FER1L6: variants seen among roughly 807,000 people sequenced by gnomAD.
FER1L6 encodes the protein fer-1-like protein 6.
A neutral mutation model predicts 219.2 loss-of-function variants in FER1L6; 177 were observed. The observed-to-expected ratio is 0.81, with a 90% CI of 0.71 to 0.91. FER1L6 has a LOEUF of 0.91. Among genes scored for constraint, FER1L6 ranks in the 40% least tolerant of loss-of-function variants. The probability of loss-of-function intolerance (pLI) is 0.00; values close to 1 mark genes in which losing one functional copy is unlikely to be tolerated. For synonymous variants in FER1L6, 768 were observed against 824.3 expected (o/e 0.93, Z 1.17); for missense variants, 2,153 against 2,259.9 (o/e 0.95, Z 0.96).
intron 1 of FER1L6, among the ~76,000 whole-genome samples, chr8:123,859,148 CA>C (rs1816700937): frequency 6.6e-6 from 1 of 152,102 alleles, no homozygotes; most frequent in South Asian, 2.1e-4. Context: ...CACAGGTGTG[CA>C]CCTCCACGCC....
intron 15 of FER1L6, among the ~76,000 whole-genome samples, chr8:124,014,944 C>T (rs1299302818): frequency 6.6e-6 from 1 of 152,192 alleles, no homozygotes; most frequent in Non-Finnish European, 1.5e-5. Context: ...GATGGATTCA[C>T]TTCCAAGATC....
chr8:123,918,806 G>A (rs1813269158), intron 1 of FER1L6, among the ~76,000 whole-genome samples: 1 of 152,210 alleles, frequency 6.6e-6, no homozygotes, highest in Non-Finnish European at 1.5e-5. Flanking sequence ...TCAGATAGGG[G>A]ATTTCTGGGA....
At chr8:123,950,595 T>C (rs1814714170) in intron 1 of FER1L6, among the ~76,000 whole-genome samples, 1 of 152,152 alleles carries the variant, frequency 6.6e-6, no homozygotes, top group African/African-American at 2.4e-5. Flanking sequence ...TCCTTGGAGG[T>C]GTATTTCCTA....
At chr8:123,897,871 G>T (rs1282227300) in intron 1 of FER1L6, among the ~76,000 whole-genome samples, 1 of 152,062 alleles carries the variant, frequency 6.6e-6, no homozygotes, top group Non-Finnish European at 1.5e-5. Flanking sequence ...AATATGTTAG[G>T]CTTTATGGGA....
intron 37 of FER1L6, among the ~76,000 whole-genome samples, chr8:124,100,418 G>A (rs991872929): frequency 6.6e-6 from 1 of 152,174 alleles, no homozygotes; most frequent in African/African-American, 2.4e-5. Context: ...TAAACTAGGT[G>A]CTATAATTGC....
rs530911966 is a variant in FER1L6, at chr8:124,005,957, C to T, written c.1700+2610C>T. On this transcript the variant is annotated intron_variant, in intron 13 of 40. Coordinates refer to ENST00000522917, the MANE Select transcript of FER1L6 (RefSeq NM_001039112.2). ...CTGAATTTTCTAAACCCTGTCCTTC[C>T]ATGGGCCTTCCAAGAATCACCTTCT... Among the ~76,000 whole-genome samples, 60 of 152,334 alleles carry T rather than the reference C, an allele frequency of 3.9e-4. 1 individual carries two copies. The highest frequency in any genetic ancestry group is 1.4e-3 in the African/African-American group (60 of 41,560).
At chr8:124,030,040 G>A (rs1219649632) in intron 18 of FER1L6, among the ~76,000 whole-genome samples, 8 of 152,124 alleles carry the variant, frequency 5.3e-5, no homozygotes, top group Admixed American at 1.3e-4. Context: ...CCCATTGCTC[G>A]TTTGTGTCAG....
Position 123,880,807 on chromosome 8 carries a change from C to T in FER1L6, c.-8+28622C>T, listed in dbSNP as rs115210390. ...AGTGAGATGATGGCTGTGCTCCTATCATTTAAATAGAGAACCTGGATTTCC... is the reference window on the plus strand; with the variant it reads ...AGTGAGATGATGGCTGTGCTCCTATTATTTAAATAGAGAACCTGGATTTCC... On this transcript the variant is annotated intron_variant, in intron 1 of 40. Coordinates refer to ENST00000522917, the MANE Select transcript of FER1L6 (RefSeq NM_001039112.2). Among the ~76,000 whole-genome samples the T allele has an allele frequency of 7.7e-3, 1,171 of 152,308 alleles. 8 individuals carry two copies. The highest frequency in any genetic ancestry group is 0.027 in the African/African-American group (1,127 of 41,578).
rs145750837 is a variant in FER1L6, at chr8:123,942,449, G to A, written c.-7-13543G>A. Among the ~76,000 whole-genome samples the A allele has an allele frequency of 4.3e-3, 653 of 152,316 alleles. 7 individuals are homozygous for A. Among genetic ancestry groups the A allele is most frequent in the African/African-American group, 0.015 (612 of 41,572 alleles). On this transcript the variant is annotated intron_variant, in intron 1 of 40. Coordinates refer to ENST00000522917, the MANE Select transcript of FER1L6 (RefSeq NM_001039112.2). ...GTATTCCTTTCCTGGGACTGCCTTGGCCATGTGCCACAAACATGGCTGCTT... is the reference window on the plus strand; with the variant it reads ...GTATTCCTTTCCTGGGACTGCCTTGACCATGTGCCACAAACATGGCTGCTT...
intron 35 of FER1L6, among the ~76,000 whole-genome samples, chr8:124,097,002 C>A (rs981097095): frequency 1.3e-5 from 2 of 151,704 alleles, no homozygotes; most frequent in Non-Finnish European, 2.9e-5. Flanking sequence ...TTATGTCTAC[C>A]CCCTAGTTGA....
At chr8:124,119,574 C>T (rs1563811606) in intron 40 of FER1L6, 33 bp from the exon 41 acceptor site, 4 of 1,432,084 alleles carry the variant, frequency 2.8e-6, no homozygotes, top group South Asian at 2.4e-5. Flanking sequence ...GACAGGATGC[C>T]CCCTTTTTGA....
rs769474721 is a variant in FER1L6 at position 124,003,215 on chromosome 8, A to C, written c.1568A>C (p.Lys523Thr). 1 of 1,614,122 alleles carries C rather than the reference A, an allele frequency of 6.2e-7. No homozygotes were observed. The highest frequency in any genetic ancestry group is 1.1e-5 in the South Asian group (1 of 91,076). The change falls in exon 13 of 41, where the codon AAG becomes ACG. Residue 523 changes from lysine to threonine, a missense_variant. Lys to Thr is a moderately conservative substitution (Grantham distance 78). Coordinates refer to ENST00000522917, the MANE Select transcript of FER1L6 (RefSeq NM_001039112.2). ...GGAGGATCCCATCATGGGAGTAAGA[A>C]GTCAGCTGAATCAGCTGAAGAAGAC... ...IDGGSHHGSK[K>T]SAESAEEDLL...
At chr8:123,904,441 T>C (rs1812916974) in intron 1 of FER1L6, among the ~76,000 whole-genome samples, 1 of 152,038 alleles carries the variant, frequency 6.6e-6, no homozygotes, top group Non-Finnish European at 1.5e-5. Flanking sequence ...GGGGGAAAAG[T>C]GGAGCCCTGG....
intron 1 of FER1L6, among the ~76,000 whole-genome samples, chr8:123,935,154 T>A (rs1813935795): frequency 6.6e-6 from 1 of 152,204 alleles, no homozygotes; most frequent in South Asian, 2.1e-4. Flanking sequence ...ATTTCCTCTA[T>A]GTAAAAAAAT....
intron 1 of FER1L6, among the ~76,000 whole-genome samples, chr8:123,898,212 T>A (rs1812777891): frequency 6.6e-6 from 1 of 152,168 alleles, no homozygotes; most frequent in Non-Finnish European, 1.5e-5. Flanking sequence ...CTTAGAGGAA[T>A]ATAAAACTTA....
intron 26 of FER1L6, among the ~76,000 whole-genome samples, chr8:124,065,119 C>A (rs571542759): frequency 1.4e-4 from 21 of 152,200 alleles, no homozygotes; most frequent in Admixed American, 1.2e-3. Context: ...AGGGGCCGGG[C>A]ATGGTGGCTC....
At position 124,061,925 on chromosome 8, in the gene FER1L6, G is replaced by C; in HGVS notation, c.3221G>C (p.Ser1074Thr). Reference sequence around the variant, plus strand: ...GTGGACTGGAGAGCTTTTGGGAGGAGTACCCTTGTGGGCACCTACACCATC... The same window carrying C: ...GTGGACTGGAGAGCTTTTGGGAGGACTACCCTTGTGGGCACCTACACCATC... ...CVVDWRAFGR[S>T]TLVGTYTINY... is the part of the protein sequence containing the mutation. Residue 1074 changes from serine to threonine, a missense_variant, in exon 25 of 41, where the codon AGT becomes ACT. Physicochemically the swap from Ser to Thr is moderately conservative, Grantham distance 58. Transcript: ENST00000522917. The C allele has an allele frequency of 1.2e-6, 2 of 1,614,180 alleles. No homozygotes were observed. The highest frequency in any genetic ancestry group is 3.3e-5 in the Admixed American group (2 of 60,032).
intron 39 of FER1L6, among the ~76,000 whole-genome samples, chr8:124,114,895 G>A (rs970439890): frequency 2.2e-3 from 196 of 90,064 alleles, no homozygotes; most frequent in African/African-American, 5.8e-3. Context: ...GTGTGTGTGC[G>A]TATATATATA....
chr8:123,900,365 T>G (rs1256174400), intron 1 of FER1L6, among the ~76,000 whole-genome samples: 1 of 152,196 alleles, frequency 6.6e-6, no homozygotes, highest in Non-Finnish European at 1.5e-5. Context: ...ACTGCTGAAT[T>G]CTTTGATCAG....
Sources: allele counts gnomAD v4.1 joint callset (sites outside exome capture counted in the v4.1 genomes callset), GRCh38; gene constraint gnomAD v4.1.1; transcripts MANE v1.5; gene names NCBI Gene and HGNC (gene_info 2026-07-23, HGNC 2026-07-21).